Variants in MINDY3 observed in about 807,000 individuals in gnomAD.
The protein encoded by MINDY3 is ubiquitin carboxyl-terminal hydrolase MINDY-3.
Under a neutral mutation model 69.2 loss-of-function variants are expected in MINDY3, and 38 were observed. The observed-to-expected ratio is 0.55, with a 90% CI of 0.42 to 0.72. The LOEUF (loss-of-function observed/expected upper bound fraction) is 0.72. Ranked by LOEUF, MINDY3 falls within the 30% of genes least tolerant of loss-of-function variation. The probability of loss-of-function intolerance (pLI) is 0.00; values close to 1 mark genes in which losing one functional copy is unlikely to be tolerated. For synonymous variants in MINDY3, 192 were observed against 180.1 expected, an observed-to-expected ratio of 1.07 and a Z score of -0.53; for missense variants, 522 against 519.0, an observed-to-expected ratio of 1.01 and a Z score of -0.06.
rs1478636013 is a variant in MINDY3 at position 15,778,727 on chromosome 10, GTA to G, written c.*263_*264del. The G allele has an allele frequency of 9.8e-6, 3 of 305,748 alleles. No individual in the cohort carries two copies. Among genetic ancestry groups the G allele is most frequent in the East Asian group, 1.2e-4 (2 of 16,768 alleles). 18.9% of individuals were successfully genotyped at this position (305,748 alleles called of 1,614,324 possible). A position where few individuals can be genotyped will look rare whatever the true frequency, so the allele number is the denominator to read the frequency against. ...TGTAATTTGGTAAGTAAATGACCAA[GTA>G]TCTGAATGCAAAAGTGATGAACTTT... On this transcript the variant is annotated 3_prime_UTR_variant, in exon 15 of 15. Coordinates refer to ENST00000277632, the MANE Select transcript of MINDY3 (RefSeq NM_024948.4).
At chr10:15,809,282 T>C (rs1057241421) in intron 10 of MINDY3, among the ~76,000 whole-genome samples, 9 of 152,314 alleles carry the variant, frequency 5.9e-5, no homozygotes. Flanking sequence ...ATTTGACATA[T>C]TACAAAACAA....
chr10:15,853,705 A>AG (rs1834475180), intron 1 of MINDY3, among the ~76,000 whole-genome samples: 1 of 151,804 alleles, frequency 6.6e-6, no homozygotes, highest in African/African-American at 2.4e-5. Flanking sequence ...GTATATGTGT[A>AG]ATTTTTTTAA....
chr10:15,818,158 A>T (rs966798903), intron 9 of MINDY3: 1 of 152,226 alleles, frequency 6.6e-6, no homozygotes, highest in Non-Finnish European at 1.5e-5. Context: ...GTCTCATCTC[A>T]GGCAACTAAA....
rs775112191 is a variant in MINDY3 at position 15,779,071 on chromosome 10, G to T, written c.1259C>A (p.Pro420His). The change falls in exon 15 of 15, where the codon CCT (proline) becomes CAT (histidine). Residue 420 changes from proline to histidine, a missense_variant. By Grantham distance (77) the Pro-to-His change is moderately conservative. Coordinates refer to ENST00000277632, the MANE Select transcript of MINDY3 (RefSeq NM_024948.4). ...TTTGGTTTGCAGACAGCGTTTAATA[G>T]GAGTGTCATCTGTCTGTAGCATGGG... Reference protein sequence around the residue: ...EDPMLQTDDTPIKRCLQTKWP... With the variant: ...EDPMLQTDDTHIKRCLQTKWP... 2.5e-6 allele frequency: 4 copies of T among 1,613,564 alleles called. No individual in the cohort carries two copies. The South Asian group carries it at 4.4e-5, about 18-fold the overall frequency.
chr10:15,788,166 G>T (rs551480825), intron 12 of MINDY3, among the ~76,000 whole-genome samples: 2 of 152,240 alleles, frequency 1.3e-5, no homozygotes, highest in South Asian at 4.1e-4. Context: ...AATTAGAGCA[G>T]TGTAAACAAC....
chr10:15,838,955 T>C (rs764933361), intron 4 of MINDY3, among the ~76,000 whole-genome samples: 1 of 151,644 alleles, frequency 6.6e-6, no homozygotes, highest in Non-Finnish European at 1.5e-5. Context: ...TAAACCCTCT[T>C]AGCTCCATTT....
intron 4 of MINDY3, among the ~76,000 whole-genome samples, chr10:15,839,579 T>C (rs1004387433): frequency 4.6e-5 from 7 of 151,480 alleles, no homozygotes; most frequent in African/African-American, 1.2e-4. Context: ...ATAAAGATAA[T>C]AATTTAGAGA....
Position 15,778,604 on chromosome 10 carries a change from T to TCAAA in MINDY3, c.*384_*387dup, listed in dbSNP as rs1337420491. On this transcript the variant is annotated 3_prime_UTR_variant, in exon 15 of 15. Coordinates refer to ENST00000277632, the MANE Select transcript of MINDY3 (RefSeq NM_024948.4). ...CTGATATATTACAAGCCGGAATCATTCAAACAATAAAAAAAGTGCCTCAAT... is the reference window on the plus strand; with the variant it reads ...CTGATATATTACAAGCCGGAATCATTCAAACAAACAATAAAAAAAGTGCCTCAAT... 6.4e-6 allele frequency: 1 copy of TCAAA among 157,370 alleles called. No homozygotes were observed. The highest frequency in any genetic ancestry group is 2.4e-5 in the African/African-American group (1 of 41,528). The allele number at this position is 157,370 out of a possible 1,614,324, so 9.7% of individuals were successfully genotyped here. A position where few individuals can be genotyped will look rare whatever the true frequency, so the allele number is the denominator to read the frequency against.
At chr10:15,814,121 T>A (rs1434588200) in intron 10 of MINDY3, among the ~76,000 whole-genome samples, 4 of 152,190 alleles carry the variant, frequency 2.6e-5, no homozygotes, top group Non-Finnish European at 5.9e-5. Context: ...GTATTTTTTA[T>A]GTGGTGAAGA....
chr10:15,846,992 G>A (rs1394886650), intron 2 of MINDY3, among the ~76,000 whole-genome samples: 1 of 152,064 alleles, frequency 6.6e-6, no homozygotes, highest in African/African-American at 2.4e-5. Context: ...CAAAGTGGTA[G>A]GATTACAGGT....
intron 11 of MINDY3, among the ~76,000 whole-genome samples, chr10:15,795,042 A>G (rs186794984): frequency 2.0e-5 from 3 of 152,148 alleles, no homozygotes; most frequent in African/African-American, 7.2e-5. Flanking sequence ...CTAGTAAAAC[A>G]AAACACAACA....
rs775472396 is a variant in MINDY3, at chr10:15,838,186, T to G, written c.461+42A>C. On this transcript the variant is annotated intron_variant, in intron 5 of 14. Coordinates refer to ENST00000277632, the MANE Select transcript of MINDY3 (RefSeq NM_024948.4). ...TATGAACAGACTTAAAGTGGCAATG[T>G]GTCCACAGAGTAAGTATTTTAAATG... The G allele has an allele frequency of 1.1e-5, 18 of 1,567,246 alleles. No individual in the cohort carries two copies. The South Asian group carries it at 2.1e-4, about 18-fold the overall frequency.
intron 12 of MINDY3, among the ~76,000 whole-genome samples, chr10:15,787,261 C>T (rs995378883): frequency 2.0e-5 from 3 of 152,050 alleles, no homozygotes; most frequent in Admixed American, 2.0e-4. Flanking sequence ...TGCATACCAG[C>T]CCTTACAATG....
At chr10:15,838,002 GT>G (rs1833205053) in intron 5 of MINDY3, 1 of 977,710 alleles carries the variant, frequency 1.0e-6, no homozygotes. Context: ...GCTTTTTAAT[GT>G]TTTTGAAAAG....
At chr10:15,790,631 T>C (rs568746598) in intron 11 of MINDY3, among the ~76,000 whole-genome samples, 6 of 152,284 alleles carry the variant, frequency 3.9e-5, no homozygotes, top group South Asian at 2.1e-4. Flanking sequence ...TCTGTGTTTA[T>C]AGGCTATATC....
At chr10:15,817,977 A>G (rs557546237) in intron 9 of MINDY3, 13 of 152,378 alleles carry the variant, frequency 8.5e-5, no homozygotes, top group African/African-American at 2.9e-4. Context: ...TTGAGCCAGT[A>G]AAGTAGGAAG....
intron 8 of MINDY3, among the ~76,000 whole-genome samples, chr10:15,828,311 A>G (rs1013406655): frequency 5.3e-5 from 8 of 152,222 alleles, no homozygotes; most frequent in African/African-American, 1.9e-4. Context: ...AGTGAAATCA[A>G]TCAGTCACCA....
chr10:15,846,864 C>T (rs769492536), intron 2 of MINDY3, among the ~76,000 whole-genome samples: 1 of 151,952 alleles, frequency 6.6e-6, no homozygotes, highest in African/African-American at 2.4e-5. Context: ...GCTGGGACTA[C>T]AGGTGCCCAC....
In MINDY3 at chr10:15,843,221, C is replaced by A. The variant is rs770795587; in HGVS notation, c.226G>T (p.Asp76Tyr). 3 of 1,612,632 alleles carry A rather than the reference C, an allele frequency of 1.9e-6. No homozygotes were observed. Among genetic ancestry groups the A allele is most frequent in the African/African-American group, 1.3e-5 (1 of 74,876 alleles). ...AAGACAGCTATCATACCTGAACAAT[C>A]CCGCCAAGAAGACTTCTCCGAAGAA... ...LFSSEKSSWR[D>Y]CSEEEQKELL... Residue 76 changes from aspartate to tyrosine, a missense_variant, in exon 3 of 15, where the codon GAT becomes TAT. Transcript: ENST00000277632.
Sources: gnomAD v4.1 joint callset for allele counts (sites outside exome capture counted in the v4.1 genomes callset) on GRCh38, gnomAD v4.1.1 for gene constraint, MANE v1.5 for transcripts, NCBI Gene and HGNC (gene_info 2026-07-23, HGNC 2026-07-21) for gene names.